Variants in PRKG1 observed in about 807,000 individuals in gnomAD.
PRKG1 encodes cGMP-dependent protein kinase 1.
Under a neutral mutation model 88.1 loss-of-function variants are expected in PRKG1, and 35 were observed. That is an observed-to-expected ratio of 0.40 (90% CI 0.30 to 0.53). PRKG1 has a LOEUF of 0.53. Ranked by LOEUF, PRKG1 falls within the 20% of genes least tolerant of loss-of-function variation. PRKG1 has a pLI of 0.59. For synonymous variants in PRKG1, 303 were observed against 292.5 expected, an observed-to-expected ratio of 1.04 and a Z score of -0.37; for missense variants, 540 against 839.8, an observed-to-expected ratio of 0.64 and a Z score of 4.41.
At chr10:51,641,019 G>A (rs555063369) in intron 3 of PRKG1, among the ~76,000 whole-genome samples, 18 of 151,914 alleles carry the variant, frequency 1.2e-4, no homozygotes, top group South Asian at 6.3e-4. Context: ...TGGTCAAAGT[G>A]TAGATGAGGG....
rs1644117440 is a variant in PRKG1 at position 51,074,586 on chromosome 10, G to A, written c.-5G>A. On this transcript the variant is annotated 5_prime_UTR_variant, in exon 1 of 18. Transcript: ENST00000373980. ...AGGAAGGAGCCCCCGGCAGCCCGGA[G>A]GAGCATGGGCACCTTGCGGGATTTA... The A allele has an allele frequency of 2.5e-6, 4 of 1,604,624 alleles. No homozygotes were observed. The highest frequency in any genetic ancestry group is 3.3e-5 in the Admixed American group (2 of 59,784).
chr10:51,554,098 TTATATGTGCGTATGTGATACGTGTATA>T (rs1837233216), intron 3 of PRKG1, among the ~76,000 whole-genome samples: 1 of 139,818 alleles, frequency 7.2e-6, no homozygotes, highest in East Asian at 2.1e-4. Context: ...CGTGTATATA[TTATATGTGCGTATGTGATACGTGTATA>T]TATTATATGT....
intron 3 of PRKG1, among the ~76,000 whole-genome samples, chr10:51,554,008 T>TTATATGTGCGTATGTGATACGTGTA (rs1837222899): frequency 7.0e-6 from 1 of 141,914 alleles, no homozygotes; most frequent in Non-Finnish European, 1.5e-5. Flanking sequence ...TACGTGCATA[T>TTATATGTGCGTATGTGATACGTGTA]TATATGTGCG....
At chr10:51,149,608 A>G (rs2131968870) in intron 1 of PRKG1, among the ~76,000 whole-genome samples, 1 of 152,272 alleles carries the variant, frequency 6.6e-6, no homozygotes, top group South Asian at 2.1e-4. Flanking sequence ...CCACCTCATG[A>G]AATTTTTAAG....
intron 1 of PRKG1, among the ~76,000 whole-genome samples, chr10:51,097,011 C>T (rs969065885): frequency 5.3e-5 from 8 of 152,162 alleles, no homozygotes; most frequent in Admixed American, 5.2e-4. Context: ...CCCTCTACCC[C>T]AGGTTCCATA....
At chr10:51,448,831 G>C (rs564976746) in intron 2 of PRKG1, among the ~76,000 whole-genome samples, 1 of 151,924 alleles carries the variant, frequency 6.6e-6, no homozygotes, top group Non-Finnish European at 1.5e-5. Flanking sequence ...GCACTGGTTC[G>C]TATATAGAAA....
intron 5 of PRKG1, among the ~76,000 whole-genome samples, chr10:52,048,458 A>G (rs956447914): frequency 5.3e-5 from 8 of 152,304 alleles, no homozygotes; most frequent in South Asian, 4.1e-4. Context: ...TTTGATATCA[A>G]TAACTATGAC....
chr10:51,210,754 G>T (rs1441970037), intron 2 of PRKG1, among the ~76,000 whole-genome samples: 1 of 152,130 alleles, frequency 6.6e-6, no homozygotes, highest in African/African-American at 2.4e-5. Flanking sequence ...AGTCTCCCAA[G>T]ACTAAACCAG....
intron 2 of PRKG1, among the ~76,000 whole-genome samples, chr10:51,372,767 C>G (rs1550717): frequency 0.12 from 17,871 of 152,078 alleles, 1,325 homozygotes; most frequent in African/African-American, 0.2. Context: ...AAATACTCTT[C>G]CTGCATCTAT....
intron 3 of PRKG1, among the ~76,000 whole-genome samples, chr10:51,610,651 G>A (rs1011915430): frequency 3.4e-4 from 52 of 152,172 alleles, no homozygotes; most frequent in African/African-American, 1.2e-3. Context: ...ATGATAGACT[G>A]GATAAAGAAA....
chr10:51,097,431 A>G (rs1300697135), intron 1 of PRKG1, among the ~76,000 whole-genome samples: 1 of 151,948 alleles, frequency 6.6e-6, no homozygotes, highest in East Asian at 1.9e-4. Flanking sequence ...CCATGTTGCC[A>G]AGGTTGGTCT....
At chr10:51,146,088 C>T (rs1845941263) in intron 1 of PRKG1, among the ~76,000 whole-genome samples, 1 of 151,904 alleles carries the variant, frequency 6.6e-6, no homozygotes. Flanking sequence ...ACTTTGGAGG[C>T]TGAGGCAGGA....
chr10:51,032,021 A>C (rs1022769544), intron 1 of PRKG1, among the ~76,000 whole-genome samples: 1 of 152,212 alleles, frequency 6.6e-6, no homozygotes, highest in African/African-American at 2.4e-5. Context: ...TATAGGAAAA[A>C]CATTAAAATT....
At chr10:51,305,084 C>T (rs1276244516) in intron 2 of PRKG1, among the ~76,000 whole-genome samples, 2 of 152,068 alleles carry the variant, frequency 1.3e-5, no homozygotes, top group African/African-American at 4.8e-5. Flanking sequence ...TTTTCCAGAG[C>T]CTTACTGAAG....
At chr10:51,473,984 C>T (rs1020413202) in intron 3 of PRKG1, among the ~76,000 whole-genome samples, 1 of 151,892 alleles carries the variant, frequency 6.6e-6, no homozygotes, top group African/African-American at 2.4e-5. Context: ...ACTGTATTTT[C>T]TGTAATCATT....
At chr10:52,090,257 TA>T (rs1342644824) in intron 7 of PRKG1, among the ~76,000 whole-genome samples, 1 of 151,858 alleles carries the variant, frequency 6.6e-6, no homozygotes, top group Non-Finnish European at 1.5e-5. Context: ...ATTTTTTTTT[TA>T]AATGGCTACA....
intron 5 of PRKG1, among the ~76,000 whole-genome samples, chr10:51,991,148 G>A (rs1358761901): frequency 1.3e-5 from 2 of 152,028 alleles, no homozygotes; most frequent in Non-Finnish European, 2.9e-5. Flanking sequence ...TTCTATTGGT[G>A]TATAGAAATG....
intron 4 of PRKG1, among the ~76,000 whole-genome samples, chr10:51,846,078 T>C (rs1224801301): frequency 1.3e-5 from 2 of 152,092 alleles, no homozygotes; most frequent in Non-Finnish European, 2.9e-5. Context: ...GGCAGCCAAA[T>C]GCCCCCACAT....
chr10:51,288,136 T>A (rs60080292), intron 2 of PRKG1, among the ~76,000 whole-genome samples: 8,112 of 151,738 alleles, frequency 0.053, 446 homozygotes, highest in Admixed American at 0.17. Flanking sequence ...TTAAATTTTT[T>A]AATTTTTATT....
Sources: allele counts gnomAD v4.1 joint callset (sites outside exome capture counted in the v4.1 genomes callset), GRCh38; gene constraint gnomAD v4.1.1; transcripts MANE v1.5; gene names NCBI Gene and HGNC (gene_info 2026-07-23, HGNC 2026-07-21).